Variants in GRID2 observed in about 807,000 individuals in gnomAD.
The protein encoded by GRID2 is glutamate ionotropic receptor delta type subunit 2.
GRID2 carries 33 observed loss-of-function variants against 114.8 expected under a neutral mutation model. That is an observed-to-expected ratio of 0.29 (90% confidence interval 0.22 to 0.38). GRID2 has a LOEUF of 0.38. GRID2 is among the 10% of genes least tolerant of loss of function. GRID2 has a pLI of 1.00. For synonymous variants in GRID2, 505 were observed against 449.9 expected (o/e 1.12, Z -1.55); for missense variants, 1,184 against 1,257.7 (o/e 0.94, Z 0.89).
intron 2 of GRID2, among the ~76,000 whole-genome samples, chr4:92,770,407 C>G (rs1738484542): frequency 6.6e-6 from 1 of 152,176 alleles, no homozygotes; most frequent in Non-Finnish European, 1.5e-5. Context: ...CCAACCTCTG[C>G]CTGTTACCCA....
At chr4:93,338,147 T>A (rs1579730527) in intron 8 of GRID2, among the ~76,000 whole-genome samples, 1 of 91,170 alleles carries the variant, frequency 1.1e-5, no homozygotes, top group Non-Finnish European at 1.9e-5. Flanking sequence ...GTGATGTGAA[T>A]TTTTTTTTGC....
chr4:93,586,150 C>G (rs1289854711), intron 13 of GRID2, among the ~76,000 whole-genome samples: 1 of 152,064 alleles, frequency 6.6e-6, no homozygotes, highest in African/African-American at 2.4e-5. Context: ...TTAATTTCCA[C>G]ATATTCCAAA....
At chr4:93,165,356 G>C (rs753398142) in intron 4 of GRID2, among the ~76,000 whole-genome samples, 47 of 151,888 alleles carry the variant, frequency 3.1e-4, no homozygotes, top group Non-Finnish European at 6.3e-4. Flanking sequence ...TATAGCCAAA[G>C]TCAAGGTTAT....
intron 1 of GRID2, among the ~76,000 whole-genome samples, chr4:92,431,052 G>A (rs1732415959): frequency 2.0e-5 from 3 of 152,160 alleles, no homozygotes; most frequent in South Asian, 2.1e-4. Flanking sequence ...AGCTGAAAAC[G>A]AGGATAATTT....
At chr4:92,863,047 C>A (rs1322657882) in intron 2 of GRID2, among the ~76,000 whole-genome samples, 1 of 152,076 alleles carries the variant, frequency 6.6e-6, no homozygotes. Context: ...AAATAACTTT[C>A]TAAGTCTTTG....
intron 3 of GRID2, among the ~76,000 whole-genome samples, chr4:93,094,576 T>A (rs1017773330): frequency 2.0e-5 from 3 of 151,788 alleles, no homozygotes; most frequent in African/African-American, 4.8e-5. Context: ...CATAAATAGG[T>A]AATATAATTT....
chr4:92,427,568 T>G (rs530081963), intron 1 of GRID2, among the ~76,000 whole-genome samples: 1 of 152,282 alleles, frequency 6.6e-6, no homozygotes, highest in African/African-American at 2.4e-5. Context: ...TTATTATAAT[T>G]GTAGATGGAA....
chr4:93,363,886 T>C (rs1762099784), intron 8 of GRID2, among the ~76,000 whole-genome samples: 1 of 151,946 alleles, frequency 6.6e-6, no homozygotes, highest in Admixed American at 6.6e-5. Context: ...TAGGCCTAGC[T>C]TCATATATGT....
intron 1 of GRID2, among the ~76,000 whole-genome samples, chr4:92,474,939 T>C (rs1254604868): frequency 1.7e-5 from 2 of 120,004 alleles, no homozygotes; most frequent in Middle Eastern, 4.2e-3. Flanking sequence ...AGTTTGTCTC[T>C]TCATTCGGTT....
At chr4:92,964,582 C>A (rs1179063491) in intron 2 of GRID2, among the ~76,000 whole-genome samples, 5 of 151,964 alleles carry the variant, frequency 3.3e-5, no homozygotes, top group Non-Finnish European at 7.4e-5. Flanking sequence ...AGGGCAGCCC[C>A]CTTTGTCAAT....
At chr4:93,083,859 A>AT (rs1269254348) in intron 2 of GRID2, among the ~76,000 whole-genome samples, 1 of 152,018 alleles carries the variant, frequency 6.6e-6, no homozygotes, top group Non-Finnish European at 1.5e-5. Flanking sequence ...ATAATAATAA[A>AT]TTTATTTGAT....
intron 2 of GRID2, among the ~76,000 whole-genome samples, chr4:92,791,112 C>CA (rs887396981): frequency 7.3e-5 from 11 of 149,904 alleles, no homozygotes; most frequent in Non-Finnish European, 1.0e-4. Flanking sequence ...ATTATCAGAA[C>CA]AAAAAAAAAT....
intron 2 of GRID2, among the ~76,000 whole-genome samples, chr4:92,768,054 T>C (rs747784273): frequency 8.5e-5 from 13 of 152,194 alleles, no homozygotes; most frequent in Admixed American, 2.6e-4. Context: ...AATATTTTCA[T>C]CCTCAATAAG....
chr4:93,698,661 AAT>A (rs1356926398), intron 14 of GRID2, among the ~76,000 whole-genome samples: 3 of 152,070 alleles, frequency 2.0e-5, no homozygotes, highest in African/African-American at 4.8e-5. Flanking sequence ...AATTATAATA[AAT>A]ATTGATTTTA....
chr4:93,486,239 A>C (rs1199978214), intron 11 of GRID2, among the ~76,000 whole-genome samples: 5 of 151,646 alleles, frequency 3.3e-5, no homozygotes, highest in Non-Finnish European at 7.4e-5. Flanking sequence ...TATTAATTTT[A>C]GTAATTTATC....
rs529174945 is a variant in GRID2, at chr4:92,940,506, T to C, written c.245-144489T>C. Among the ~76,000 whole-genome samples the C allele has an allele frequency of 1.6e-4, 24 of 152,270 alleles. No homozygotes were observed. The East Asian group carries it at 2.1e-3, about 13-fold the overall frequency. Reference sequence around the variant, plus strand: ...GTTTTCTAGATATACAATCCTGTCATCTGCAAACAGGGACAATCTGACTTC... The same window carrying C: ...GTTTTCTAGATATACAATCCTGTCACCTGCAAACAGGGACAATCTGACTTC... On this transcript the variant is annotated intron_variant, in intron 2 of 15. Coordinates refer to ENST00000282020, the MANE Select transcript of GRID2 (RefSeq NM_001510.4).
At chr4:92,860,779 A>G (rs570863524) in intron 2 of GRID2, among the ~76,000 whole-genome samples, 3 of 152,050 alleles carry the variant, frequency 2.0e-5, no homozygotes, top group African/African-American at 4.8e-5. Flanking sequence ...TGAACCCTAT[A>G]CAGTACCTGA....
chr4:93,248,165 T>G (rs1748417228), intron 8 of GRID2, among the ~76,000 whole-genome samples: 2 of 152,172 alleles, frequency 1.3e-5, no homozygotes, highest in African/African-American at 4.8e-5. Context: ...TAACATCCAC[T>G]GAACAACCTA....
chr4:93,687,519 AAAAGT>A (rs1726178774), intron 14 of GRID2, among the ~76,000 whole-genome samples: 1 of 152,012 alleles, frequency 6.6e-6, no homozygotes, highest in African/African-American at 2.4e-5. Context: ...AAGAACACCA[AAAAGT>A]AACAGCCAGG....
Sources: gnomAD v4.1 joint callset for allele counts (sites outside exome capture counted in the v4.1 genomes callset) on GRCh38, gnomAD v4.1.1 for gene constraint, MANE v1.5 for transcripts, NCBI Gene and HGNC (gene_info 2026-07-23, HGNC 2026-07-21) for gene names.